Variants in GRIK1 observed in about 807,000 individuals in gnomAD.
GRIK1 encodes the protein glutamate ionotropic receptor kainate type subunit 1, also known as glutamate receptor ionotropic, kainate 1.
A neutral mutation model predicts 105.7 loss-of-function variants in GRIK1; 69 were observed. The ratio of observed to expected loss-of-function variants is 0.65; its 90% confidence interval spans 0.54 to 0.80. The LOEUF is 0.80. Among genes scored for constraint, GRIK1 ranks in the 30% least tolerant of loss-of-function variants. The pLI is 0.00. For synonymous variants in GRIK1, 438 were observed against 431.3 expected (o/e 1.02, Z -0.19); for missense variants, 1,109 against 1,167.3 (o/e 0.95, Z 0.73).
At chr21:29,902,167 A>G (rs113972849) in intron 1 of GRIK1, among the ~76,000 whole-genome samples, 35 of 152,362 alleles carry the variant, frequency 2.3e-4, no homozygotes, top group Non-Finnish European at 4.4e-4. Flanking sequence ...AGAGCTATTT[A>G]TGACAAACTC....
intron 9 of GRIK1, among the ~76,000 whole-genome samples, chr21:29,593,588 C>T (rs1158548390): frequency 6.6e-6 from 1 of 152,104 alleles, no homozygotes; most frequent in Non-Finnish European, 1.5e-5. Context: ...GTAAATTGGG[C>T]CCTGACTGTA....
At chr21:29,673,581 A>C (rs1306734884) in intron 3 of GRIK1, among the ~76,000 whole-genome samples, 1 of 152,188 alleles carries the variant, frequency 6.6e-6, no homozygotes, top group Non-Finnish European at 1.5e-5. Flanking sequence ...CTAGGCTATA[A>C]ACTTCTGTAA....
At chr21:29,870,411 A>G (rs2832463) in intron 1 of GRIK1, among the ~76,000 whole-genome samples, 14,056 of 151,968 alleles carry the variant, frequency 0.092, 808 homozygotes, top group African/African-American at 0.16. Context: ...TTAGCATTAT[A>G]CTTACTTTGT....
chr21:29,822,653 AAT>A (rs1004804349), intron 1 of GRIK1, among the ~76,000 whole-genome samples: 5 of 152,028 alleles, frequency 3.3e-5, no homozygotes, highest in African/African-American at 1.2e-4. Flanking sequence ...CTTGTGGGTT[AAT>A]ATATGGATGG....
intron 8 of GRIK1, chr21:29,596,888 A>C (rs892766468): frequency 3.0e-6 from 1 of 336,690 alleles, no homozygotes; most frequent in African/African-American, 2.1e-5. Context: ...TTCCTTAAGA[A>C]GACCCTTTTA....
At chr21:29,596,001 T>C (rs891215561) in intron 9 of GRIK1, 1 of 245,192 alleles carries the variant, frequency 4.1e-6, no homozygotes, top group African/African-American at 2.3e-5. Context: ...CAGTATACTC[T>C]GATGAAGATA....
At chr21:29,859,824 T>G (rs1569166629) in intron 1 of GRIK1, among the ~76,000 whole-genome samples, 1 of 152,232 alleles carries the variant, frequency 6.6e-6, no homozygotes, top group African/African-American at 2.4e-5. Flanking sequence ...TCTGCTCTTT[T>G]CTATCTGGGA....
intron 1 of GRIK1, among the ~76,000 whole-genome samples, chr21:29,722,921 T>C (rs2064358442): frequency 6.6e-6 from 1 of 152,232 alleles, no homozygotes; most frequent in Non-Finnish European, 1.5e-5. Flanking sequence ...TAGCAGTTAA[T>C]TTTAGGAAAT....
In GRIK1 at chr21:29,907,170, GA is replaced by G. The variant is rs75176827; in HGVS notation, c.118+32212del. On this transcript the variant is annotated intron_variant, in intron 1 of 17. Transcript: ENST00000327783. ...TTGTTTTTGTTTTTCTACTCTTACA[GA>G]AAAAAAAAAGAATTCAATACAATCT... Among the ~76,000 whole-genome samples, 37 of 143,862 alleles carry G rather than the reference GA, an allele frequency of 2.6e-4. No individual in the cohort carries two copies. The East Asian group carries it at 4.6e-3, about 18-fold the overall frequency. The allele number at this position is 143,862 out of a possible 152,430, so 94.4% of individuals were successfully genotyped here. A position where few individuals can be genotyped will look rare whatever the true frequency, so the allele number is the denominator to read the frequency against.
At chr21:29,920,507 C>T (rs1443081342) in intron 1 of GRIK1, among the ~76,000 whole-genome samples, 1 of 152,062 alleles carries the variant, frequency 6.6e-6, no homozygotes, top group Admixed American at 6.6e-5. Context: ...TTTCTTTAAC[C>T]TTGTCGGTTT....
chr21:29,723,950 A>G (rs2064387300), intron 1 of GRIK1, among the ~76,000 whole-genome samples: 1 of 152,212 alleles, frequency 6.6e-6, no homozygotes. Context: ...CAGCTGTTCC[A>G]TAGGTCTTAT....
intron 1 of GRIK1, among the ~76,000 whole-genome samples, chr21:29,907,944 T>A (rs1258577182): frequency 6.6e-6 from 1 of 152,146 alleles, no homozygotes; most frequent in African/African-American, 2.4e-5. Flanking sequence ...ATTGTTTTGG[T>A]GAAAACTGAC....
chr21:29,658,064 T>C (rs574941018), intron 4 of GRIK1, among the ~76,000 whole-genome samples: 1 of 152,322 alleles, frequency 6.6e-6, no homozygotes, highest in Non-Finnish European at 1.5e-5. Flanking sequence ...GTATGTATAC[T>C]TTATTAGGGC....
At chr21:29,825,485 T>G (rs2145940828) in intron 1 of GRIK1, among the ~76,000 whole-genome samples, 1 of 152,232 alleles carries the variant, frequency 6.6e-6, no homozygotes, top group African/African-American at 2.4e-5. Flanking sequence ...TCTGAGTATT[T>G]GTGCACTCTT....
At chr21:29,775,173 C>T (rs1052692807) in intron 1 of GRIK1, among the ~76,000 whole-genome samples, 6 of 151,056 alleles carry the variant, frequency 4.0e-5, no homozygotes, top group South Asian at 4.2e-4. Context: ...AAAAATTAGC[C>T]GGCATGCACC....
At chr21:29,555,377 C>G in intron 15 of GRIK1, 75 bp from the exon 16 acceptor site, 1 of 1,363,882 alleles carries the variant, frequency 7.3e-7, no homozygotes, top group Non-Finnish European at 1.0e-6. Flanking sequence ...TAATTATCAT[C>G]TTTGTCATAA....
At chr21:29,879,692 A>G (rs918118857) in intron 1 of GRIK1, among the ~76,000 whole-genome samples, 1 of 152,108 alleles carries the variant, frequency 6.6e-6, no homozygotes, top group African/African-American at 2.4e-5. Flanking sequence ...AGCAGTCCCG[A>G]TCTTCCATCT....
intron 7 of GRIK1, among the ~76,000 whole-genome samples, chr21:29,619,171 C>A (rs1445918472): frequency 7.3e-6 from 1 of 136,732 alleles, no homozygotes; most frequent in African/African-American, 2.8e-5. Flanking sequence ...GGGCACGATG[C>A]CTCACGCCTG....
chr21:29,556,871 A>G (rs1016039796), intron 15 of GRIK1, among the ~76,000 whole-genome samples: 1 of 152,238 alleles, frequency 6.6e-6, no homozygotes, highest in African/African-American at 2.4e-5. Context: ...TGTGTAAGCC[A>G]CTGAAAATTT....
Sources: allele counts gnomAD v4.1 joint callset (sites outside exome capture counted in the v4.1 genomes callset), GRCh38; gene constraint gnomAD v4.1.1; transcripts MANE v1.5; gene names NCBI Gene and HGNC (gene_info 2026-07-23, HGNC 2026-07-21).